ITFG1: variants seen among roughly 807,000 people sequenced by gnomAD.
ITFG1 encodes T-cell immunomodulatory protein.
A neutral mutation model predicts 81.8 loss-of-function variants in ITFG1; 34 were observed. That is an observed-to-expected ratio of 0.42 (90% CI 0.32 to 0.55). ITFG1 has a LOEUF of 0.55. Ranked by LOEUF, ITFG1 falls within the 20% of genes least tolerant of loss-of-function variation. The pLI, the probability that ITFG1 is intolerant of heterozygous loss-of-function variation, is 0.17. For synonymous variants in ITFG1, 285 were observed against 270.6 expected (o/e 1.05, Z -0.52); for missense variants, 672 against 755.4 (o/e 0.89, Z 1.29).
chr16:47,256,467 C>A (rs918224747), intron 12 of ITFG1, among the ~76,000 whole-genome samples: 3 of 152,140 alleles, frequency 2.0e-5, no homozygotes, highest in Admixed American at 1.3e-4. Flanking sequence ...GAATTTCTTG[C>A]CTTCTTATCT....
intron 6 of ITFG1, among the ~76,000 whole-genome samples, chr16:47,401,005 G>A (rs755289535): frequency 6.6e-6 from 1 of 152,144 alleles, no homozygotes; most frequent in Non-Finnish European, 1.5e-5. Context: ...TAACAGGAAG[G>A]GAAGAAGACT....
At chr16:47,185,936 C>T (rs1473483080) in intron 14 of ITFG1, among the ~76,000 whole-genome samples, 7 of 151,506 alleles carry the variant, frequency 4.6e-5, no homozygotes, top group East Asian at 3.9e-4. Flanking sequence ...ATATCACCAC[C>T]GATCCCACAG....
chr16:47,423,741 T>C (rs1271080082), intron 6 of ITFG1, among the ~76,000 whole-genome samples: 18 of 152,062 alleles, frequency 1.2e-4, no homozygotes, highest in Admixed American at 1.2e-3. Flanking sequence ...TCTTTAAGAA[T>C]GTTGAACACT....
At chr16:47,188,249 C>T (rs1420941092) in intron 14 of ITFG1, among the ~76,000 whole-genome samples, 3 of 151,914 alleles carry the variant, frequency 2.0e-5, no homozygotes, top group African/African-American at 7.3e-5. Context: ...TTGACCCAGC[C>T]GTCCCATTAC....
rs115518631 is a variant in ITFG1 at position 47,397,741 on chromosome 16, A to C, written c.656-21801T>G. On this transcript the variant is annotated intron_variant, in intron 6 of 17. Transcript: ENST00000320640. ...TAGAGGAAGCAGCAAAGGCAAGGCA[A>C]TGAGGAAAACTAGAGGAAACTGGGA... 6.9e-3 allele frequency among the ~76,000 whole-genome samples: 1,047 copies of C among 152,310 alleles called. 13 individuals carry two copies. Among genetic ancestry groups the C allele is most frequent in the African/African-American group, 0.024 (1,003 of 41,562 alleles).
intron 6 of ITFG1, among the ~76,000 whole-genome samples, chr16:47,420,568 T>A (rs1031159936): frequency 6.6e-6 from 1 of 152,184 alleles, no homozygotes; most frequent in East Asian, 1.9e-4. Context: ...CTTATGAATG[T>A]CTTGGTGCCA....
intron 2 of ITFG1, among the ~76,000 whole-genome samples, chr16:47,454,662 A>AT (rs978668371): frequency 1.3e-5 from 2 of 151,970 alleles, no homozygotes; most frequent in Non-Finnish European, 2.9e-5. Context: ...TAAGAATGGA[A>AT]TTTTTTTTAA....
chr16:47,194,018 C>A (rs573393061), intron 14 of ITFG1, among the ~76,000 whole-genome samples: 153 of 152,262 alleles, frequency 1.0e-3, no homozygotes, highest in Middle Eastern at 3.4e-3. Flanking sequence ...TTTGTGTCTA[C>A]TATAGCGTTA....
chr16:47,260,453 G>A, intron 11 of ITFG1, 92 bp downstream of exon 11: 1 of 1,352,670 alleles, frequency 7.4e-7, no homozygotes. Flanking sequence ...TTGTTGTGTT[G>A]TCCACATTTT....
chr16:47,390,231 T>C (rs1181960537), intron 6 of ITFG1, among the ~76,000 whole-genome samples: 1 of 152,170 alleles, frequency 6.6e-6, no homozygotes, highest in Non-Finnish European at 1.5e-5. Context: ...GAATCTGACA[T>C]AGGCATGGCA....
intron 6 of ITFG1, among the ~76,000 whole-genome samples, chr16:47,393,709 C>G (rs904705206): frequency 6.6e-6 from 1 of 151,176 alleles, no homozygotes; most frequent in African/African-American, 2.4e-5. Flanking sequence ...CCAGCCTGGG[C>G]AACAGAGCAA....
intron 5 of ITFG1, among the ~76,000 whole-genome samples, chr16:47,439,320 A>G (rs1969213260): frequency 6.6e-6 from 1 of 152,218 alleles, no homozygotes; most frequent in Non-Finnish European, 1.5e-5. Flanking sequence ...ACTGAAATTC[A>G]GGAAATACAG....
At chr16:47,410,939 T>C (rs908632170) in intron 6 of ITFG1, among the ~76,000 whole-genome samples, 2 of 152,134 alleles carry the variant, frequency 1.3e-5, no homozygotes, top group Non-Finnish European at 2.9e-5. Flanking sequence ...AGGGTATGTT[T>C]GTTTGCCACC....
At chr16:47,219,031 A>T (rs1965659934) in intron 13 of ITFG1, 85 bp from the exon 14 acceptor site, 1 of 814,210 alleles carries the variant, frequency 1.2e-6, no homozygotes, top group Non-Finnish European at 1.9e-6. Context: ...AAAGCAAAAA[A>T]TTCTTACACA....
At chr16:47,180,834 C>T (rs1965100440) in intron 14 of ITFG1, among the ~76,000 whole-genome samples, 1 of 152,114 alleles carries the variant, frequency 6.6e-6, no homozygotes, top group Middle Eastern at 3.4e-3. Context: ...GCGTCTCTGC[C>T]TGGCCGCCCA....
At chr16:47,386,092 T>C (rs986418726) in intron 6 of ITFG1, among the ~76,000 whole-genome samples, 2 of 152,162 alleles carry the variant, frequency 1.3e-5, no homozygotes, top group African/African-American at 2.4e-5. Context: ...AGCAAATGCC[T>C]ACCAATTGTA....
intron 14 of ITFG1, among the ~76,000 whole-genome samples, chr16:47,213,372 G>A (rs1400948322): frequency 6.6e-6 from 1 of 152,114 alleles, no homozygotes; most frequent in Non-Finnish European, 1.5e-5. Context: ...CATTTGAAAA[G>A]AATGTATTGC....
intron 14 of ITFG1, among the ~76,000 whole-genome samples, chr16:47,164,401 G>T (rs1309731128): frequency 2.0e-5 from 3 of 152,150 alleles, no homozygotes; most frequent in Admixed American, 6.5e-5. Flanking sequence ...AAAGTGATTT[G>T]TGTGTGAAGG....
intron 5 of ITFG1, among the ~76,000 whole-genome samples, chr16:47,433,860 ATATAT>A (rs1969126914): frequency 1.7e-3 from 3 of 1,732 alleles, no homozygotes; most frequent in East Asian, 0.014. Flanking sequence ...AAAACTGAAT[ATATAT>A]ATATATATAT....
Sources: gnomAD v4.1 joint callset for allele counts (sites outside exome capture counted in the v4.1 genomes callset) on GRCh38, gnomAD v4.1.1 for gene constraint, MANE v1.5 for transcripts, NCBI Gene and HGNC (gene_info 2026-07-23, HGNC 2026-07-21) for gene names.